ZDHHC21: variants seen among roughly 807,000 people sequenced by gnomAD.
ZDHHC21 encodes palmitoyltransferase ZDHHC21.
In ZDHHC21, 15 loss-of-function variants were observed where a neutral mutation model predicts 34.6. The observed-to-expected ratio is 0.43, with a 90% CI of 0.29 to 0.67. ZDHHC21 has a LOEUF of 0.67. ZDHHC21 is among the 30% of genes least tolerant of loss of function. The pLI is 0.14. For synonymous variants in ZDHHC21, 142 were observed against 101.8 expected, an observed-to-expected ratio of 1.40 and a Z score of -2.38; for missense variants, 344 against 327.7, an observed-to-expected ratio of 1.05 and a Z score of -0.38.
At chr9:14,635,103 C>A (rs1010250031) in intron 8 of ZDHHC21, among the ~76,000 whole-genome samples, 4 of 151,988 alleles carry the variant, frequency 2.6e-5, no homozygotes, top group African/African-American at 9.7e-5. Flanking sequence ...TACTTGAAGA[C>A]AGGTATTTTT....
chr9:14,676,546 C>T (rs77274997), intron 3 of ZDHHC21, among the ~76,000 whole-genome samples: 3,342 of 151,982 alleles, frequency 0.022, 134 homozygotes, highest in African/African-American at 0.076. Flanking sequence ...AAATGTAATA[C>T]CACTTAATAG....
chr9:14,623,321 C>A (rs1825637497), intron 8 of ZDHHC21, among the ~76,000 whole-genome samples: 1 of 151,878 alleles, frequency 6.6e-6, no homozygotes, highest in South Asian at 2.1e-4. Context: ...AAGACCAGTG[C>A]AGCCAATATA....
intron 1 of ZDHHC21, 42 bp downstream of exon 1, chr9:14,693,187 G>T (rs1226596122): frequency 3.1e-6 from 1 of 320,238 alleles, no homozygotes; most frequent in African/African-American, 2.3e-5. Context: ...GATGGGGATG[G>T]GGGTGGGGGC....
chr9:14,662,397 T>C (rs1333861651), intron 5 of ZDHHC21, 71 bp from the exon 6 acceptor site: 3 of 1,161,854 alleles, frequency 2.6e-6, no homozygotes, highest in Non-Finnish European at 2.4e-6. Context: ...AACAGTTGTT[T>C]AGAAGATTTT....
At chr9:14,665,502 A>T (rs1834257386) in intron 5 of ZDHHC21, among the ~76,000 whole-genome samples, 1 of 151,946 alleles carries the variant, frequency 6.6e-6, no homozygotes, top group South Asian at 2.1e-4. Context: ...AGAGAACGCC[A>T]CAAAGATACT....
rs1164372314 is a variant in ZDHHC21 at position 14,664,919 on chromosome 9, G to C, written c.254-2593C>G. Among the ~76,000 whole-genome samples the C allele has an allele frequency of 7.8e-4, 119 of 151,612 alleles. 3 individuals carry two copies. In the South Asian group the frequency reaches 0.024, roughly 30 times the overall value. ...GGGAAAAAACAGAACAGAAAAACTGGAAACTCTAAAATGCAGAGCGTCTCT... is the reference window on the plus strand; with the variant it reads ...GGGAAAAAACAGAACAGAAAAACTGCAAACTCTAAAATGCAGAGCGTCTCT... On this transcript the variant is annotated intron_variant, in intron 5 of 9. Coordinates refer to ENST00000380916, the MANE Select transcript of ZDHHC21 (RefSeq NM_178566.6).
At chr9:14,633,098 C>T (rs530630535) in intron 8 of ZDHHC21, among the ~76,000 whole-genome samples, 18 of 152,284 alleles carry the variant, frequency 1.2e-4, no homozygotes, top group African/African-American at 4.3e-4. Flanking sequence ...CACACAAAAA[C>T]GTGTAGGTGG....
At chr9:14,657,488 C>T (rs1225436929) in intron 7 of ZDHHC21, among the ~76,000 whole-genome samples, 1 of 137,462 alleles carries the variant, frequency 7.3e-6, no homozygotes, top group Non-Finnish European at 1.6e-5. Context: ...AAGATCTTTC[C>T]ACTACCAGAG....
At chr9:14,684,457 C>T (rs13287335) in intron 2 of ZDHHC21, among the ~76,000 whole-genome samples, 41,729 of 133,176 alleles carry the variant, frequency 0.31, 6,431 homozygotes, top group Middle Eastern at 0.36. Flanking sequence ...TCACAATTGC[C>T]TCAAAGAGAA....
chr9:14,604,339 TAATG>T, the ZDHHC21 span, among the ~76,000 whole-genome samples: 4 of 152,208 alleles, frequency 2.6e-5, no homozygotes, highest in Non-Finnish European at 5.9e-5. Flanking sequence ...GTGGGATTTA[TAATG>T]AATGGCCCAA....
intron 6 of ZDHHC21, among the ~76,000 whole-genome samples, chr9:14,660,184 G>C (rs1833090951): frequency 1.3e-5 from 2 of 151,946 alleles, no homozygotes; most frequent in South Asian, 4.1e-4. Flanking sequence ...TGGCCAACAT[G>C]GTGACAACCC....
At chr9:14,658,638 A>AT in intron 7 of ZDHHC21, 111 bp downstream of exon 7, 1 of 851,488 alleles carries the variant, frequency 1.2e-6, no homozygotes, top group East Asian at 2.9e-5. Flanking sequence ...CGCCCGGCTA[A>AT]TTTTTTGTAT....
chr9:14,633,307 G>A (rs1363334965), intron 8 of ZDHHC21, among the ~76,000 whole-genome samples: 1 of 152,132 alleles, frequency 6.6e-6, no homozygotes, highest in East Asian at 1.9e-4. Context: ...AAATTGGCTG[G>A]GGACATGGAG....
downstream of ZDHHC21, among the ~76,000 whole-genome samples, chr9:14,608,617 T>C (rs1823095214): frequency 1.3e-5 from 2 of 152,152 alleles, no homozygotes; most frequent in Admixed American, 1.3e-4. Context: ...ACAAAGAATG[T>C]GCTGTGACTG....
chr9:14,682,846 C>G (rs547999369), intron 2 of ZDHHC21, among the ~76,000 whole-genome samples: 58 of 152,168 alleles, frequency 3.8e-4, no homozygotes, highest in Non-Finnish European at 7.6e-4. Context: ...TCTCTCAGAC[C>G]ACAGTGCAAT....
intron 8 of ZDHHC21, among the ~76,000 whole-genome samples, chr9:14,633,172 G>A (rs1429519156): frequency 6.6e-6 from 1 of 152,134 alleles, no homozygotes; most frequent in Non-Finnish European, 1.5e-5. Context: ...AACCAAAATA[G>A]TGAGTAGATA....
chr9:14,690,698 A>G (rs968225137), intron 1 of ZDHHC21, among the ~76,000 whole-genome samples: 1 of 152,212 alleles, frequency 6.6e-6, no homozygotes, highest in Non-Finnish European at 1.5e-5. Context: ...CCATCATACT[A>G]AGGTATTTTT....
intron 7 of ZDHHC21, among the ~76,000 whole-genome samples, chr9:14,652,479 G>C (rs375794003): frequency 5.3e-5 from 8 of 151,818 alleles, no homozygotes; most frequent in African/African-American, 1.5e-4. Flanking sequence ...ATAAATCTTT[G>C]AACGTTCGTG....
chr9:14,603,425 C>T, the ZDHHC21 span, among the ~76,000 whole-genome samples: 7 of 152,090 alleles, frequency 4.6e-5, no homozygotes, highest in Non-Finnish European at 1.0e-4. Context: ...TAAATGCATG[C>T]TATACTTCAA....
Sources: gnomAD v4.1 joint callset for allele counts (sites outside exome capture counted in the v4.1 genomes callset) on GRCh38, gnomAD v4.1.1 for gene constraint, MANE v1.5 for transcripts, NCBI Gene and HGNC (gene_info 2026-07-23, HGNC 2026-07-21) for gene names.